ETS2: variants seen among roughly 807,000 people sequenced by gnomAD.
The protein encoded by ETS2 is protein C-ets-2.
In ETS2, 19 loss-of-function variants were observed where a neutral mutation model predicts 54.9. That is an observed-to-expected ratio of 0.35 (90% CI 0.24 to 0.51). ETS2 has a LOEUF of 0.51. Ranked by LOEUF, ETS2 falls within the 20% of genes least tolerant of loss-of-function variation. The probability of loss-of-function intolerance (pLI) is 0.97; values close to 1 mark genes in which losing one functional copy is unlikely to be tolerated. For missense variants in ETS2, 417 were observed against 593.0 expected, an observed-to-expected ratio of 0.70 and a Z score of 3.08; for synonymous variants, 219 against 229.3, an observed-to-expected ratio of 0.95 and a Z score of 0.41.
intron 2 of ETS2, among the ~76,000 whole-genome samples, chr21:38,811,048 C>G (rs2060911974): frequency 6.6e-6 from 1 of 152,132 alleles, no homozygotes; most frequent in East Asian, 1.9e-4. Context: ...TGAAACCACA[C>G]CCCTTAGAAA....
upstream of ETS2, chr21:38,805,794 TCCTCCCCTTC>T (rs923280605): frequency 3.6e-5 from 29 of 803,304 alleles, no homozygotes; most frequent in Non-Finnish European, 3.8e-5. This position sits in a 1 kb window ranked among gnomAD's most constrained non-coding sequence, Gnocchi z 5.2. Flanking sequence ...CTCTTCTCTC[TCCTCCCCTTC>T]CCTCCCCTCT....
intron 7 of ETS2, among the ~76,000 whole-genome samples, chr21:38,819,093 C>T (rs62217768): frequency 1.6e-4 from 24 of 152,254 alleles, no homozygotes; most frequent in African/African-American, 4.1e-4. Context: ...AATGTCCCCC[C>T]GACAGAAGGG....
upstream of ETS2, chr21:38,805,842 C>G (rs954448551): frequency 9.1e-7 from 1 of 1,102,038 alleles, no homozygotes; most frequent in Non-Finnish European, 1.2e-6. This position sits in a 1 kb window ranked among gnomAD's most constrained non-coding sequence, Gnocchi z 5.2. Context: ...GTTTCCTCCC[C>G]TCCCCTCCAC....
At position 38,806,030 on chromosome 21, in the gene ETS2, G is replaced by A; in HGVS notation, c.-91G>A. 8.2e-7 allele frequency: 1 copy of A among 1,220,806 alleles called. No individual in the cohort carries two copies. The highest frequency in any genetic ancestry group is 1.4e-5 in the South Asian group (1 of 73,322). The allele number at this position is 1,220,806 out of a possible 1,614,324, so 75.6% of individuals were successfully genotyped here. On this transcript the variant is annotated 5_prime_UTR_variant, in exon 1 of 10. Coordinates refer to ENST00000360938, the MANE Select transcript of ETS2 (RefSeq NM_005239.6). This position sits in a 1 kb window ranked among gnomAD's most constrained non-coding sequence, Gnocchi z 4.3. ...GCCTCCCTGATCGTCTCTGGCCGGC[G>A]CCCTCGCCCTCGCCCGGCGCGCACC...
At position 38,813,032 on chromosome 21, in the gene ETS2, G is replaced by A. The variant is rs758977583; in HGVS notation, c.102G>A (p.Gly34=). Residue 34 remains glycine (G), a synonymous_variant, in exon 3 of 10, where the codon GGG becomes GGA. Transcript: ENST00000360938. ...KRQPAFDTFD[G]SLFAVFPSLN... ...AGCCAGCCTTTGACACCTTTGATGGGTCCCTGTTTGCTGTTTTTCCTTCTC... is the reference window on the plus strand; with the variant it reads ...AGCCAGCCTTTGACACCTTTGATGGATCCCTGTTTGCTGTTTTTCCTTCTC... The A allele has an allele frequency of 1.2e-6, 2 of 1,613,952 alleles. No individual in the cohort carries two copies. The highest frequency in any genetic ancestry group is 2.2e-5 in the South Asian group (2 of 91,072).
At chr21:38,816,892 C>T (rs1180087804) in intron 5 of ETS2, 116 bp from the exon 6 acceptor site, 7 of 639,196 alleles carry the variant, frequency 1.1e-5, no homozygotes, top group Admixed American at 2.5e-5. Flanking sequence ...ATGTGAAGCA[C>T]TCCGTGCATC....
chr21:38,814,631 C>A lies in ETS2; in HGVS notation c.305-150C>A. 1.3e-6 allele frequency: 1 copy of A among 794,730 alleles called. No individual in the cohort carries two copies. The highest frequency in any genetic ancestry group is 2.0e-6 in the Non-Finnish European group (1 of 495,890). The allele number at this position is 794,730 out of a possible 1,614,324, so 49.2% of individuals were successfully genotyped here. A position where few individuals can be genotyped will look rare whatever the true frequency, so the allele number is the denominator to read the frequency against. Reference sequence around the variant, plus strand: ...GTCTTGAAATGTGCCTGGGTCGTGTCAGAATGGTGACGTGTCATCATGGTA... The same window carrying A: ...GTCTTGAAATGTGCCTGGGTCGTGTAAGAATGGTGACGTGTCATCATGGTA... On this transcript the variant is annotated intron_variant, in intron 4 of 9. Transcript: ENST00000360938. This position sits in a 1 kb window ranked among gnomAD's most constrained non-coding sequence, Gnocchi z 4.2.
rs899220185 is a variant in ETS2, at chr21:38,823,399, C to T, written c.*510C>T. On this transcript the variant is annotated 3_prime_UTR_variant, in exon 10 of 10. Coordinates refer to ENST00000360938, the MANE Select transcript of ETS2 (RefSeq NM_005239.6). ...AGAATCCCTTAACAGTTGTATTTAACAGAAATTGTATATTGTAATTTAAAA... is the reference window on the plus strand; with the variant it reads ...AGAATCCCTTAACAGTTGTATTTAATAGAAATTGTATATTGTAATTTAAAA... 9.2e-5 allele frequency: 14 copies of T among 152,574 alleles called. No homozygotes were observed. Among genetic ancestry groups the T allele is most frequent in the Admixed American group, 8.5e-4 (13 of 15,282 alleles). The allele number at this position is 152,574 out of a possible 1,614,324, so 9.5% of individuals were successfully genotyped here.
At chr21:38,807,040 C>G (rs1365136358) in intron 1 of ETS2, among the ~76,000 whole-genome samples, 1 of 152,162 alleles carries the variant, frequency 6.6e-6, no homozygotes, top group African/African-American at 2.4e-5. Flanking sequence ...ACAATGGAAG[C>G]GCCTGTGCGT....
chr21:38,817,235 C>A, intron 6 of ETS2, 144 bp downstream of exon 6: 1 of 576,270 alleles, frequency 1.7e-6, no homozygotes, highest in Non-Finnish European at 3.1e-6. Flanking sequence ...AGCTATAAGC[C>A]ATTGAAATGT....
intron 1 of ETS2, among the ~76,000 whole-genome samples, chr21:38,807,556 A>G (rs1453550893): frequency 6.6e-6 from 1 of 151,924 alleles, no homozygotes; most frequent in Non-Finnish European, 1.5e-5. Context: ...AAATTTGATT[A>G]GTTGTGTGTC....
chr21:38,818,506 C>A lies in ETS2; in HGVS notation c.671C>A (p.Ala224Asp). 1 of 1,614,168 alleles carries A rather than the reference C, an allele frequency of 6.2e-7. No homozygotes were observed. Among genetic ancestry groups the A allele is most frequent in the Non-Finnish European group, 8.5e-7 (1 of 1,180,024 alleles). ...KGGLLDSMCP[A>D]STPSVLSSEQ... ...GGCCTCCTGGACAGCATGTGTCCGG[C>A]CTCCACACCCAGCGTACTCAGCTCT... Residue 224 changes from alanine (A) to aspartate (D), a missense_variant, in exon 7 of 10, where the codon GCC becomes GAC. Physicochemically the swap from Ala to Asp is moderately radical, Grantham distance 126. Coordinates refer to ENST00000360938, the MANE Select transcript of ETS2 (RefSeq NM_005239.6).
rs1478298854 is a variant in ETS2, at chr21:38,808,619, G to GTGTGTGTTC, written c.1-1416_1-1415insTGTGTGTTC. 1.8e-4 allele frequency among the ~76,000 whole-genome samples: 17 copies of GTGTGTGTTC among 95,238 alleles called. 1 individual carries two copies. The highest frequency in any genetic ancestry group is 2.7e-4 in the African/African-American group (7 of 25,580). The allele number at this position is 95,238 out of a possible 152,430, so 62.5% of individuals were successfully genotyped here. ...GTGTGTGTGTGTGTGTGTGTGTGTT[G>GTGTGTGTTC]GGTGTGTGTTGGGTAGCAGGGTTCT... On this transcript the variant is annotated intron_variant, in intron 1 of 9. Coordinates refer to ENST00000360938, the MANE Select transcript of ETS2 (RefSeq NM_005239.6).
intron 6 of ETS2, among the ~76,000 whole-genome samples, chr21:38,817,878 T>C (rs2060941689): frequency 6.6e-6 from 1 of 152,184 alleles, no homozygotes; most frequent in Admixed American, 6.5e-5. Flanking sequence ...CAGGAGGTCT[T>C]TCTGAACATG....
chr21:38,814,768 TC>T lies in ETS2; in HGVS notation c.305-12del. The T allele has an allele frequency of 6.2e-7, 1 of 1,612,336 alleles. No homozygotes were observed. The highest frequency in any genetic ancestry group is 8.5e-7 in the Non-Finnish European group (1 of 1,178,584). ...TTACCTCATGTGTTCCATTTTTTCT[TC>T]TCTCCTGGTAGACCCCTGGCTGTGG... is the stretch of plus-strand genomic sequence containing the variant. On this transcript the variant is annotated splice_polypyrimidine_tract_variant and intron_variant, in intron 4 of 9. Coordinates refer to ENST00000360938, the MANE Select transcript of ETS2 (RefSeq NM_005239.6). The surrounding 1 kb of genome is among the most constrained non-coding windows in gnomAD (Gnocchi z 4.2).
In ETS2 at chr21:38,821,450, G is replaced by A. The variant is rs958850534; in HGVS notation, c.1076-136G>A. On this transcript the variant is annotated intron_variant, in intron 8 of 9. Transcript: ENST00000360938. The surrounding 1 kb of genome is among the most constrained non-coding windows in gnomAD (Gnocchi z 4.2). Reference sequence around the variant, plus strand: ...TCACCAACACCTTGAGTGCCACCCTGAGTGTAACATCGGAACCCCATTCAG... The same window carrying A: ...TCACCAACACCTTGAGTGCCACCCTAAGTGTAACATCGGAACCCCATTCAG... 3 of 720,160 alleles carry A rather than the reference G, an allele frequency of 4.2e-6. No homozygotes were observed. Among genetic ancestry groups the A allele is most frequent in the Non-Finnish European group, 7.4e-6 (3 of 404,508 alleles). The allele number at this position is 720,160 out of a possible 1,614,324, so 44.6% of individuals were successfully genotyped here. A position where few individuals can be genotyped will look rare whatever the true frequency, so the allele number is the denominator to read the frequency against.
Position 38,823,017 on chromosome 21 carries a change from T to A in ETS2, c.*128T>A. On this transcript the variant is annotated 3_prime_UTR_variant, in exon 10 of 10. Coordinates refer to ENST00000360938, the MANE Select transcript of ETS2 (RefSeq NM_005239.6). ...GTCCAGGAAAGTGGCCAAGAAGCAG[T>A]GGCCTTATTGCATCCCAAACCACGC... is the stretch of plus-strand genomic sequence containing the variant. The A allele has an allele frequency of 1.4e-6, 1 of 694,788 alleles. No individual in the cohort carries two copies. The highest frequency in any genetic ancestry group is 2.2e-6 in the Non-Finnish European group (1 of 455,124). 43.0% of individuals were successfully genotyped at this position (694,788 alleles called of 1,614,324 possible). A position where few individuals can be genotyped will look rare whatever the true frequency, so the allele number is the denominator to read the frequency against.
At position 38,821,559 on chromosome 21, in the gene ETS2, G is replaced by A. The variant is rs746561254; in HGVS notation, c.1076-27G>A. ...GTATTTTACATCTGTGAAAGGGTAT[G>A]ATCCGTCTCCCTCCCTCTCCCCGCA... On this transcript the variant is annotated intron_variant, in intron 8 of 9. Transcript: ENST00000360938. The surrounding 1 kb of genome is among the most constrained non-coding windows in gnomAD (Gnocchi z 4.2). The A allele has an allele frequency of 7.5e-6, 11 of 1,468,150 alleles. No individual in the cohort carries two copies. Among genetic ancestry groups the A allele is most frequent in the Non-Finnish European group, 9.6e-6 (10 of 1,046,850 alleles). The allele number at this position is 1,468,150 out of a possible 1,614,324, so 90.9% of individuals were successfully genotyped here.
At chr21:38,807,417 C>CTTTTTT (rs369913456) in intron 1 of ETS2, among the ~76,000 whole-genome samples, 1 of 133,364 alleles carries the variant, frequency 7.5e-6, no homozygotes, top group Non-Finnish European at 1.6e-5. Flanking sequence ...GCTCTTTATC[C>CTTTTTT]TTTTTTTTTT....
Sources: gnomAD v4.1 joint callset for allele counts (sites outside exome capture counted in the v4.1 genomes callset) on GRCh38, gnomAD v4.1.1 for gene constraint, Gnocchi (gnomAD v3.1) non-coding constraint, MANE v1.5 for transcripts, NCBI Gene and HGNC (gene_info 2026-07-23, HGNC 2026-07-21) for gene names.